The following CCR3 variants were observed in gnomAD, a reference collection of about 807,000 sequenced individuals.
The protein encoded by CCR3 is C-C chemokine receptor type 3.
For missense variants in CCR3, 419 were observed against 437.5 expected, an observed-to-expected ratio of 0.96 and a Z score of 0.38; for synonymous variants, 203 against 179.2, an observed-to-expected ratio of 1.13 and a Z score of -1.06.
Position 46,265,398 on chromosome 3 carries a change from C to A in CCR3, c.240C>A (p.Asp80Glu). 6.2e-7 allele frequency: 1 copy of A among 1,614,170 alleles called. No individual in the cohort carries two copies. The highest frequency in any genetic ancestry group is 8.5e-7 in the Non-Finnish European group (1 of 1,180,024). Reference sequence around the variant, plus strand: ...ACCTGCTCAACCTGGCCATTTCGGACCTGCTCTTCCTCGTCACCCTTCCAT... The same window carrying A: ...ACCTGCTCAACCTGGCCATTTCGGAACTGCTCTTCCTCGTCACCCTTCCAT... ...NIYLLNLAIS[D>E]LLFLVTLPFW... is the part of the protein sequence containing the mutation. Residue 80 changes from aspartate (D) to glutamate (E), a missense_variant, in exon 2 of 2, where the codon GAC becomes GAA. Coordinates refer to ENST00000395940, the MANE Select transcript of CCR3 (RefSeq NM_178329.3).
intron 2 of CCR3, among the ~76,000 whole-genome samples, chr3:46,224,351 C>T (rs1699869841): frequency 6.6e-6 from 1 of 151,792 alleles, no homozygotes; most frequent in African/African-American, 2.4e-5. Flanking sequence ...AATCCCAGCA[C>T]TTTGGGAGGC....
chr3:46,257,974 GAA>G (rs1192649347), intron 1 of CCR3, among the ~76,000 whole-genome samples: 1 of 152,216 alleles, frequency 6.6e-6, no homozygotes, highest in Admixed American at 6.5e-5. Context: ...AGCAACAGAA[GAA>G]AAGTCTGTTC....
At chr3:46,260,627 A>C (rs1221266027) in intron 1 of CCR3, among the ~76,000 whole-genome samples, 2 of 152,234 alleles carry the variant, frequency 1.3e-5, no homozygotes, top group Non-Finnish European at 2.9e-5. Flanking sequence ...GTAAGAGGTG[A>C]GTTCCAATGG....
At chr3:46,238,264 A>AG, upstream of CCR3, among the ~76,000 whole-genome samples, 1 of 151,752 alleles carries the variant, frequency 6.6e-6, no homozygotes, top group South Asian at 2.1e-4. Flanking sequence ...TAAAAAAAAA[A>AG]GTTAGTCATT....
At chr3:46,259,690 T>G (rs1160710266) in intron 1 of CCR3, among the ~76,000 whole-genome samples, 1 of 152,172 alleles carries the variant, frequency 6.6e-6, no homozygotes, top group Non-Finnish European at 1.5e-5. Flanking sequence ...TTCCAGAGGC[T>G]CTCTGCAAAA....
At chr3:46,224,604 G>A (rs1206846404) in intron 2 of CCR3, among the ~76,000 whole-genome samples, 1 of 151,952 alleles carries the variant, frequency 6.6e-6, no homozygotes, top group East Asian at 1.9e-4. Context: ...AGGCATCGTG[G>A]CACACACCTG....
intron 2 of CCR3, among the ~76,000 whole-genome samples, chr3:46,237,060 A>G (rs1243431757): frequency 1.3e-5 from 2 of 152,174 alleles, no homozygotes; most frequent in Non-Finnish European, 2.9e-5. Context: ...TCATTCATTT[A>G]TGGCTGAATA....
At chr3:46,250,202 G>T (rs1700278502) in intron 1 of CCR3, among the ~76,000 whole-genome samples, 1 of 152,052 alleles carries the variant, frequency 6.6e-6, no homozygotes, top group Admixed American at 6.5e-5. Context: ...AGAGTAAATT[G>T]CTGGGCAGGT....
intron 2 of CCR3, among the ~76,000 whole-genome samples, chr3:46,224,266 G>A (rs1170400230): frequency 2.0e-5 from 3 of 151,984 alleles, no homozygotes; most frequent in Non-Finnish European, 4.4e-5. Context: ...CACCAGAATG[G>A]CTAAAATGAA....
At chr3:46,248,325 T>C (rs576609514) in intron 1 of CCR3, among the ~76,000 whole-genome samples, 3 of 152,228 alleles carry the variant, frequency 2.0e-5, no homozygotes, top group African/African-American at 4.8e-5. Context: ...ATGAGAAATG[T>C]AGAGAGTGAG....
chr3:46,266,204 CG>C lies in CCR3; in HGVS notation c.1048del (p.Glu350AsnfsTer44), dbSNP rs761292379. 9.3e-6 allele frequency: 15 copies of C among 1,611,802 alleles called. No homozygotes were observed. The highest frequency in any genetic ancestry group is 1.3e-5 in the Non-Finnish European group (15 of 1,178,388). ...TSSVSPSTAE[P>X]ELSIVF The stretch of plus-strand genomic sequence containing the variant: ...TCTGTCTCTCCATCCACAGCAGAGC[CG>C]GAACTCTCTATTGTGTTTTAGGTCA... On this transcript the variant is annotated frameshift_variant, in exon 2 of 2. Coordinates refer to ENST00000395940, the MANE Select transcript of CCR3 (RefSeq NM_178329.3). LOFTEE classifies it high-confidence loss of function.
chr3:46,223,455 G>A (rs892321241), intron 2 of CCR3, among the ~76,000 whole-genome samples: 4 of 152,190 alleles, frequency 2.6e-5, no homozygotes, highest in African/African-American at 9.7e-5. Context: ...CAGCTAAATT[G>A]TAAGCTTCTC....
intron 2 of CCR3, among the ~76,000 whole-genome samples, chr3:46,224,230 G>A (rs930990415): frequency 1.3e-5 from 2 of 152,040 alleles, no homozygotes; most frequent in Non-Finnish European, 2.9e-5. Context: ...TTAATGAGAC[G>A]AACCAATGAG....
In CCR3 at chr3:46,231,889, A is replaced by G. The variant is rs144032322; in HGVS notation, c.-67-10513A>G. Among the ~76,000 whole-genome samples, 39 of 152,256 alleles carry G rather than the reference A, an allele frequency of 2.6e-4. 1 individual carries two copies. The East Asian group carries it at 6.8e-3, about 26-fold the overall frequency. ...CTATCCCATCTCTTTCCCTGCCCCA[A>G]TGTCTCTCTTGCATTTCCAGGGGCC... On this transcript the variant is annotated intron_variant, in intron 2 of 3. Transcript: ENST00000357422.
chr3:46,232,161 T>A (rs1049562325), intron 2 of CCR3, among the ~76,000 whole-genome samples: 24 of 152,044 alleles, frequency 1.6e-4, no homozygotes, highest in Admixed American at 1.4e-3. Flanking sequence ...TATAAAAAAA[T>A]GAAAATGAGC....
At chr3:46,244,505 G>A (rs1700154920) in intron 1 of CCR3, among the ~76,000 whole-genome samples, 1 of 152,192 alleles carries the variant, frequency 6.6e-6, no homozygotes, top group African/African-American at 2.4e-5. Context: ...CGTTTTATAG[G>A]ATTTGGGTAG....
At chr3:46,254,554 G>T (rs1412521132) in intron 1 of CCR3, among the ~76,000 whole-genome samples, 1 of 152,052 alleles carries the variant, frequency 6.6e-6, no homozygotes, top group Non-Finnish European at 1.5e-5. Context: ...TTCTTTAGTG[G>T]TGATTTCTGA....
At chr3:46,227,910 A>G (rs1699920507) in intron 2 of CCR3, among the ~76,000 whole-genome samples, 1 of 152,166 alleles carries the variant, frequency 6.6e-6, no homozygotes, top group South Asian at 2.1e-4. Context: ...TGAAAAAACT[A>G]AAACCCTGCA....
chr3:46,224,705 C>T (rs1481236085), intron 2 of CCR3, among the ~76,000 whole-genome samples: 1 of 146,632 alleles, frequency 6.8e-6, no homozygotes, highest in Admixed American at 6.8e-5. Flanking sequence ...CCACTGCACT[C>T]CAGCCTGGGC....
Sources: gnomAD v4.1 joint callset for allele counts (sites outside exome capture counted in the v4.1 genomes callset) on GRCh38, gnomAD v4.1.1 for gene constraint, MANE v1.5 for transcripts, NCBI Gene and HGNC (gene_info 2026-07-23, HGNC 2026-07-21) for gene names.